Variants in DIAPH2 observed in about 807,000 individuals in gnomAD.
DIAPH2 encodes the protein protein diaphanous homolog 2.
DIAPH2 carries 35 observed loss-of-function variants against 92.7 expected under a neutral mutation model. The ratio of observed to expected loss-of-function variants is 0.38; its 90% CI spans 0.29 to 0.50. DIAPH2 has a LOEUF of 0.50. Among genes scored for constraint, DIAPH2 ranks in the 20% least tolerant of loss-of-function variants. The pLI, the probability that DIAPH2 is intolerant of heterozygous loss-of-function variation, is 0.94. For missense variants in DIAPH2, 701 were observed against 819.5 expected (o/e 0.86, Z 1.77); for synonymous variants, 301 against 280.4 (o/e 1.07, Z -0.73).
chrX:96,867,728 A>G (rs1009070785), intron 4 of DIAPH2, among the ~76,000 whole-genome samples: 1 of 111,666 alleles, frequency 9.0e-6, no homozygotes, highest in Non-Finnish European at 1.9e-5. Context: ...ATTGAAATGA[A>G]ATCCCCCAAA....
chrX:97,021,902 T>G (rs1480903724), intron 17 of DIAPH2, among the ~76,000 whole-genome samples: 2 of 111,918 alleles, frequency 1.8e-5, no homozygotes, highest in African/African-American at 6.5e-5. Flanking sequence ...TATATGATTA[T>G]TGTCATCAGG....
intron 26 of DIAPH2, among the ~76,000 whole-genome samples, chrX:97,551,096 TAGA>T (rs1204815070): frequency 9.1e-6 from 1 of 110,222 alleles, no homozygotes; most frequent in African/African-American, 3.3e-5. Context: ...TATGTAAACA[TAGA>T]AGGTGATTTT....
chrX:97,245,017 A>C (rs1459780328), intron 22 of DIAPH2, among the ~76,000 whole-genome samples: 1 of 110,500 alleles, frequency 9.0e-6, no homozygotes, highest in Admixed American at 9.6e-5. Context: ...TGAACCAGGG[A>C]ATCGGAGGTT....
chrX:97,418,590 C>T lies in DIAPH2; in HGVS notation c.3146-11060C>T, dbSNP rs199602504. ...AAATGATTCCTTTCCCTCTCACCTT[C>T]CTGATTAGGCTTGTGTTTGTGTGTC... is the stretch of plus-strand genomic sequence containing the variant. On this transcript the variant is annotated intron_variant, in intron 25 of 26. Transcript: ENST00000324765. Among the ~76,000 whole-genome samples, 5 of 111,983 alleles carry T rather than the reference C, an allele frequency of 4.5e-5. No homozygotes were observed. In the South Asian group the frequency reaches 1.9e-3, roughly 42 times the overall value.
intron 23 of DIAPH2, among the ~76,000 whole-genome samples, chrX:97,340,883 C>G (rs1442753979): frequency 9.1e-6 from 1 of 109,907 alleles, no homozygotes; most frequent in Non-Finnish European, 1.9e-5. Context: ...GAACTCCTGA[C>G]CTTAAGTGAT....
At chrX:97,414,995 T>C (rs1440804698) in intron 25 of DIAPH2, among the ~76,000 whole-genome samples, 3 of 111,355 alleles carry the variant, frequency 2.7e-5, no homozygotes, top group Non-Finnish European at 5.7e-5. Flanking sequence ...ACAAAGACCT[T>C]ACACAAATTT....
chrX:96,815,707 C>A (rs1362209298), intron 4 of DIAPH2, among the ~76,000 whole-genome samples: 1 of 111,453 alleles, frequency 9.0e-6, no homozygotes, highest in Non-Finnish European at 1.9e-5. Context: ...TCTCTGTCGC[C>A]AGGCTGGAGT....
intron 23 of DIAPH2, among the ~76,000 whole-genome samples, chrX:97,346,351 CCTT>C (rs911211660): frequency 9.1e-6 from 1 of 110,409 alleles, no homozygotes; most frequent in Non-Finnish European, 1.9e-5. Context: ...ACCTCTCTCT[CCTT>C]CTCCTCCCTC....
intron 23 of DIAPH2, among the ~76,000 whole-genome samples, chrX:97,287,952 C>CAAAAAAAAAAAAAAAAA (rs748309881): frequency 4.5e-4 from 18 of 39,782 alleles, no homozygotes; most frequent in African/African-American, 1.8e-3. Context: ...GACTCTGTCT[C>CAAAAAAAAAAAAAAAAA]AAAAAAAAAA....
intron 26 of DIAPH2, among the ~76,000 whole-genome samples, chrX:97,474,225 A>G (rs757144446): frequency 1.2e-4 from 13 of 112,168 alleles, no homozygotes; most frequent in African/African-American, 4.2e-4. Context: ...TAAATAATTC[A>G]TTGTCTTATG....
At chrX:97,097,820 A>AAT (rs772658329) in intron 19 of DIAPH2, among the ~76,000 whole-genome samples, 5 of 111,240 alleles carry the variant, frequency 4.5e-5, no homozygotes, top group Admixed American at 2.8e-4. Flanking sequence ...ACAATTGAGT[A>AAT]ATTTCCATGC....
intron 26 of DIAPH2, among the ~76,000 whole-genome samples, chrX:97,519,218 A>G (rs745894371): frequency 4.5e-5 from 5 of 111,890 alleles, no homozygotes; most frequent in Non-Finnish European, 9.4e-5. Context: ...AAACAACCCA[A>G]TAAATGAAAA....
chrX:96,826,870 T>C (rs1003032234), intron 4 of DIAPH2, among the ~76,000 whole-genome samples: 1 of 112,294 alleles, frequency 8.9e-6, no homozygotes, highest in African/African-American at 3.2e-5. Flanking sequence ...TATAGGCTTA[T>C]GCCATTGCAC....
At position 97,600,014 on chromosome X, in the gene DIAPH2, C is replaced by CAGTT. The variant is rs929178218; in HGVS notation, c.*700_*703dup. ...TAAATAAACCAAAGTTTAACCGAATCAGTTAGGGAAAGTGATTTAAACTTT... is the reference window on the plus strand; with the variant it reads ...TAAATAAACCAAAGTTTAACCGAATCAGTTAGTTAGGGAAAGTGATTTAAACTTT... On this transcript the variant is annotated 3_prime_UTR_variant, in exon 27 of 27. Transcript: ENST00000324765. 1 of 112,468 alleles carries CAGTT rather than the reference C, an allele frequency of 8.9e-6. No individual in the cohort carries two copies. Among genetic ancestry groups the CAGTT allele is most frequent in the African/African-American group, 3.2e-5 (1 of 30,972 alleles). 9.3% of individuals were successfully genotyped at this position (112,468 alleles called of 1,213,427 possible).
chrX:97,443,388 A>G (rs2070279467), intron 26 of DIAPH2, among the ~76,000 whole-genome samples: 1 of 112,494 alleles, frequency 8.9e-6, no homozygotes, highest in South Asian at 3.7e-4. Flanking sequence ...GCTTATAACT[A>G]TATTCTGCTG....
chrX:97,354,383 T>C (rs1238046641), intron 24 of DIAPH2, among the ~76,000 whole-genome samples: 2 of 111,278 alleles, frequency 1.8e-5, no homozygotes, highest in Non-Finnish European at 3.8e-5. Context: ...AAATCTGAGC[T>C]TTTTTTTGAG....
intron 17 of DIAPH2, among the ~76,000 whole-genome samples, chrX:97,006,172 G>GT (rs1002994510): frequency 9.0e-6 from 1 of 111,318 alleles, no homozygotes; most frequent in South Asian, 3.7e-4. Flanking sequence ...AAACATTCAA[G>GT]TTTTTTTAAC....
intron 22 of DIAPH2, among the ~76,000 whole-genome samples, chrX:97,201,927 G>A (rs1241687103): frequency 1.8e-5 from 2 of 111,304 alleles, no homozygotes; most frequent in African/African-American, 6.5e-5. Flanking sequence ...GAAAGGTTAG[G>A]TCACCTACAA....
intron 23 of DIAPH2, among the ~76,000 whole-genome samples, chrX:97,334,003 A>G (rs1466949701): frequency 1.8e-5 from 2 of 111,539 alleles, no homozygotes; most frequent in African/African-American, 6.5e-5. Flanking sequence ...AAAAACAGGT[A>G]AGGTCATGTT....
Sources: gnomAD v4.1 joint callset for allele counts (sites outside exome capture counted in the v4.1 genomes callset) on GRCh38, gnomAD v4.1.1 for gene constraint, MANE v1.5 for transcripts, NCBI Gene and HGNC (gene_info 2026-07-23, HGNC 2026-07-21) for gene names.